Variants in TBC1D30 observed in about 807,000 individuals in gnomAD.
TBC1D30 encodes TBC1 domain family member 30, also known as TBC1 domain family, member 30.
In TBC1D30, 31 loss-of-function variants were observed where a neutral mutation model predicts 63.2. The observed-to-expected ratio is 0.49, with a 90% CI of 0.37 to 0.66. TBC1D30 has a LOEUF of 0.66. Among genes scored for constraint, TBC1D30 ranks in the 30% least tolerant of loss-of-function variants. TBC1D30 has a pLI of 0.00. For synonymous variants in TBC1D30, 307 were observed against 361.5 expected, an observed-to-expected ratio of 0.85 and a Z score of 1.71; for missense variants, 810 against 953.6, an observed-to-expected ratio of 0.85 and a Z score of 1.98.
chr12:64,786,775 A>AC (rs1871613225), intron 2 of TBC1D30, among the ~76,000 whole-genome samples: 1 of 151,442 alleles, frequency 6.6e-6, no homozygotes, highest in African/African-American at 2.4e-5. Context: ...ACATGGTGAA[A>AC]CCCCATCTCT....
chr12:64,870,936 C>T (rs1878607230), intron 11 of TBC1D30, 128 bp downstream of exon 11: 2 of 828,620 alleles, frequency 2.4e-6, no homozygotes, highest in East Asian at 5.4e-5. Context: ...GCTGGCATGA[C>T]ATAATAGCAT....
intron 2 of TBC1D30, among the ~76,000 whole-genome samples, chr12:64,786,462 G>C (rs1009191233): frequency 6.6e-6 from 1 of 151,990 alleles, no homozygotes; most frequent in Non-Finnish European, 1.5e-5. Context: ...CTCCTGAGTA[G>C]CTGGAACTAC....
exon 1 of TBC1D30, chr12:64,780,801 C>T (rs1275741944): frequency 3.0e-6 from 3 of 991,334 alleles, no homozygotes; most frequent in Non-Finnish European, 3.6e-6. Flanking sequence ...AGCCGCGCGC[C>T]GGGGACCATG....
chr12:64,867,120 T>G (rs1878287265), intron 10 of TBC1D30, among the ~76,000 whole-genome samples: 1 of 152,082 alleles, frequency 6.6e-6, no homozygotes, highest in Non-Finnish European at 1.5e-5. Context: ...AAGACTAGCC[T>G]GAGCAACATA....
At chr12:64,793,289 G>A (rs1354311937) in intron 2 of TBC1D30, among the ~76,000 whole-genome samples, 1 of 151,730 alleles carries the variant, frequency 6.6e-6, no homozygotes, top group African/African-American at 2.4e-5. Flanking sequence ...GTTGCAGTGA[G>A]CTGAGATTGT....
At chr12:64,851,368 A>T (rs1343639101) in intron 8 of TBC1D30, among the ~76,000 whole-genome samples, 1 of 151,936 alleles carries the variant, frequency 6.6e-6, no homozygotes, top group African/African-American at 2.4e-5. Flanking sequence ...TCAGGCCAAT[A>T]TCCCATTTGC....
intron 5 of TBC1D30, among the ~76,000 whole-genome samples, chr12:64,835,900 G>T (rs1186354504): frequency 6.6e-6 from 1 of 152,140 alleles, no homozygotes; most frequent in East Asian, 1.9e-4. Flanking sequence ...GCAATTTGAA[G>T]AACCTCTATA....
intron 8 of TBC1D30, among the ~76,000 whole-genome samples, chr12:64,861,314 T>C (rs2136451478): frequency 6.6e-6 from 1 of 152,340 alleles, no homozygotes; most frequent in Middle Eastern, 3.4e-3. Flanking sequence ...TAAATAGACT[T>C]GTTAGTTTTC....
chr12:64,859,711 T>G (rs1472169729), intron 8 of TBC1D30, among the ~76,000 whole-genome samples: 1 of 152,108 alleles, frequency 6.6e-6, no homozygotes, highest in Non-Finnish European at 1.5e-5. Flanking sequence ...TGGGTTCATT[T>G]TCAGATAGGT....
At chr12:64,778,070 T>C (rs1351453886), upstream of TBC1D30, among the ~76,000 whole-genome samples, 2 of 152,220 alleles carry the variant, frequency 1.3e-5, no homozygotes, top group African/African-American at 4.8e-5. Flanking sequence ...CCATCAGTGG[T>C]TCTTTCTTAT....
At chr12:64,786,326 T>TTTTA (rs60904499) in intron 2 of TBC1D30, among the ~76,000 whole-genome samples, 14,341 of 149,712 alleles carry the variant, frequency 0.096, 1,889 homozygotes, top group African/African-American at 0.31. Flanking sequence ...TACAATTTTA[T>TTTTA]TTTATTTATT....
chr12:64,759,543 G>T (rs1592515148), exon 1 of TBC1D30: 3 of 400,094 alleles, frequency 7.5e-6, no homozygotes, highest in Non-Finnish European at 1.3e-5. Context: ...CGGAAAAGGG[G>T]CGGAGAACCG....
chr12:64,785,743 C>A, intron 1 of TBC1D30: 1 of 515,518 alleles, frequency 1.9e-6, no homozygotes, highest in Non-Finnish European at 3.1e-6. Flanking sequence ...GAGCTGAATG[C>A]ATACATGTAA....
At chr12:64,764,874 AAGGT>A (rs1192900952) in intron 1 of TBC1D30, among the ~76,000 whole-genome samples, 1 of 152,244 alleles carries the variant, frequency 6.6e-6, no homozygotes, top group African/African-American at 2.4e-5. Context: ...AAGAATGACC[AAGGT>A]AATGTAAAAC....
Position 64,763,117 on chromosome 12 carries a change from G to A in TBC1D30, c.-376+3468G>A, listed in dbSNP as rs201187060. Reference sequence around the variant, plus strand: ...ATTACAGGCATGCGTCACTATGCCCGGCTAATTTTTGTATTTTTAGTAGAG... The same window carrying A: ...ATTACAGGCATGCGTCACTATGCCCAGCTAATTTTTGTATTTTTAGTAGAG... On this transcript the variant is annotated intron_variant, in intron 1 of 13. Coordinates refer to the TBC1D30 transcript ENST00000674237. Among the ~76,000 whole-genome samples, 16 of 151,926 alleles carry A rather than the reference G, an allele frequency of 1.1e-4. No homozygotes were observed. In the East Asian group the frequency reaches 2.9e-3, roughly 28 times the overall value.
intron 1 of TBC1D30, among the ~76,000 whole-genome samples, chr12:64,827,204 C>T (rs1220574224): frequency 6.6e-6 from 1 of 152,110 alleles, no homozygotes; most frequent in Non-Finnish European, 1.5e-5. Context: ...AATCCTAGCA[C>T]TTTAGGAGGC....
chr12:64,775,104 A>ATATAT (rs200672895), intron 1 of TBC1D30, among the ~76,000 whole-genome samples: 3 of 147,908 alleles, frequency 2.0e-5, no homozygotes, highest in Non-Finnish European at 4.5e-5. Flanking sequence ...AAAAAAAAAA[A>ATATAT]ATATATATAT....
At chr12:64,826,119 T>C (rs890640092) in intron 1 of TBC1D30, among the ~76,000 whole-genome samples, 35 of 152,192 alleles carry the variant, frequency 2.3e-4, no homozygotes, top group Non-Finnish European at 1.8e-4. Flanking sequence ...AAGTGTTTTG[T>C]ATTTCTGAAT....
intron 10 of TBC1D30, 73 bp downstream of exon 10, chr12:64,866,976 A>G (rs894534631): frequency 4.1e-6 from 6 of 1,475,512 alleles, no homozygotes; most frequent in African/African-American, 2.8e-5. Flanking sequence ...ATTGTGTCCT[A>G]TAGATGCCCC....
Sources: gnomAD v4.1 joint callset for allele counts (sites outside exome capture counted in the v4.1 genomes callset) on GRCh38, gnomAD v4.1.1 for gene constraint, MANE v1.5 for transcripts, NCBI Gene and HGNC (gene_info 2026-07-23, HGNC 2026-07-21) for gene names.